Variants in ZC3H18 observed in about 807,000 individuals in gnomAD.
The protein encoded by ZC3H18 is zinc finger CCCH-type containing 18.
Under a neutral mutation model 106.1 loss-of-function variants are expected in ZC3H18, and 8 were observed. That is an observed-to-expected ratio of 0.08 (90% CI 0.04 to 0.14). ZC3H18 has a LOEUF of 0.14. Ranked by LOEUF, ZC3H18 falls within the 10% of genes least tolerant of loss-of-function variation. The pLI is 1.00. For missense variants in ZC3H18, 1,318 were observed against 1,278.4 expected (o/e 1.03, Z -0.47); for synonymous variants, 635 against 522.1 (o/e 1.22, Z -2.95).
At position 88,622,378 on chromosome 16, in the gene ZC3H18, A is replaced by C. The variant is rs952366663; in HGVS notation, c.1657A>C (p.Asn553His). Reference sequence around the variant, plus strand: ...ATCAGCCTCGTCAGCCTCTGCCTCTAATTCCTCCAGGTAAGGAGGGCTCGT... The same window carrying C: ...ATCAGCCTCGTCAGCCTCTGCCTCTCATTCCTCCAGGTAAGGAGGGCTCGT... ...KTSASSASAS[N>H]SSRSSSRSSS... Residue 553 changes from asparagine (N) to histidine (H), a missense_variant, in exon 9 of 18, where the codon AAT becomes CAT. Coordinates refer to ENST00000301011, the MANE Select transcript of ZC3H18 (RefSeq NM_144604.4). 1 of 1,609,170 alleles carries C rather than the reference A, an allele frequency of 6.2e-7. No individual in the cohort carries two copies. Among genetic ancestry groups the C allele is most frequent in the East Asian group, 2.2e-5 (1 of 44,710 alleles).
intron 3 of ZC3H18, chr16:88,587,618 A>G: frequency 6.5e-7 from 1 of 1,534,132 alleles, no homozygotes; most frequent in Non-Finnish European, 8.7e-7. Flanking sequence ...TTAAAGGTAC[A>G]AAATACGCTA....
chr16:88,588,350 C>T (rs566863577), intron 3 of ZC3H18, among the ~76,000 whole-genome samples: 3 of 152,324 alleles, frequency 2.0e-5, no homozygotes, highest in East Asian at 1.9e-4. Context: ...ACCGGCCAGT[C>T]GGCGTTGGCC....
At chr16:88,572,757 C>T (rs893016690) in intron 1 of ZC3H18, among the ~76,000 whole-genome samples, 6 of 151,116 alleles carry the variant, frequency 4.0e-5, no homozygotes, top group African/African-American at 1.5e-4. Context: ...CCCTTCGTAG[C>T]ACCTTATTAC....
In ZC3H18 at chr16:88,577,670, G is replaced by A. The variant is rs771058029; in HGVS notation, c.547G>A (p.Ala183Thr). The A allele has an allele frequency of 6.2e-7, 1 of 1,613,918 alleles. No homozygotes were observed. Among genetic ancestry groups the A allele is most frequent in the South Asian group, 1.1e-5 (1 of 91,076 alleles). The change falls in exon 2 of 18, where the codon GCC becomes ACC. Residue 183 changes from alanine to threonine, a missense_variant. By Grantham distance (58) the Ala-to-Thr change is moderately conservative. Transcript: ENST00000301011. ...SVGEKESLEA[A>T]KEKKKEDDDG... is the part of the protein sequence containing the mutation. Reference sequence around the variant, plus strand: ...GGGAGAAAAGGAATCCCTGGAGGCTGCCAAGGAGAAAAAGAAAGAGGACGA... The same window carrying A: ...GGGAGAAAAGGAATCCCTGGAGGCTACCAAGGAGAAAAAGAAAGAGGACGA...
chr16:88,594,024 T>C (rs1055760232), intron 3 of ZC3H18, among the ~76,000 whole-genome samples: 1 of 152,102 alleles, frequency 6.6e-6, no homozygotes, highest in African/African-American at 2.4e-5. Context: ...CTGAGTGCGG[T>C]GTCAGGGAGA....
chr16:88,583,262 C>G (rs1915241574), intron 2 of ZC3H18, among the ~76,000 whole-genome samples: 5 of 152,244 alleles, frequency 3.3e-5, no homozygotes, highest in Admixed American at 3.3e-4. Context: ...AAAGGCTGCA[C>G]AAAGAAGAAA....
chr16:88,586,858 A>G (rs1479045962), intron 3 of ZC3H18, among the ~76,000 whole-genome samples, 174 bp downstream of exon 3: 2 of 152,078 alleles, frequency 1.3e-5, no homozygotes, highest in African/African-American at 4.8e-5. Flanking sequence ...ATGGTAAACA[A>G]TAGGCCCTTT....
intron 2 of ZC3H18, among the ~76,000 whole-genome samples, chr16:88,578,267 CTG>C (rs1174854987): frequency 1.3e-5 from 2 of 152,204 alleles, no homozygotes; most frequent in African/African-American, 2.4e-5. Flanking sequence ...CCTGAAAAGA[CTG>C]TGGTGGGCAC....
intron 6 of ZC3H18, among the ~76,000 whole-genome samples, chr16:88,602,780 TG>T (rs1904813859): frequency 6.6e-6 from 1 of 152,202 alleles, no homozygotes; most frequent in Non-Finnish European, 1.5e-5. Context: ...CCTAAGTTGC[TG>T]GGAATATAGA....
chr16:88,575,306 T>C (rs1224045943), intron 1 of ZC3H18, among the ~76,000 whole-genome samples: 1 of 152,084 alleles, frequency 6.6e-6, no homozygotes, highest in Non-Finnish European at 1.5e-5. Flanking sequence ...ATACAAGACA[T>C]ATAAATGTGT....
intron 12 of ZC3H18, among the ~76,000 whole-genome samples, 194 bp downstream of exon 12, chr16:88,624,939 G>A (rs901540600): frequency 1.3e-5 from 2 of 152,214 alleles, no homozygotes; most frequent in South Asian, 2.1e-4. Context: ...TTTCTGGAGC[G>A]TGAAGGGGAA....
At chr16:88,586,895 C>G (rs1200015411) in intron 3 of ZC3H18, among the ~76,000 whole-genome samples, 4 of 152,220 alleles carry the variant, frequency 2.6e-5, no homozygotes, top group African/African-American at 4.8e-5. Flanking sequence ...ACTTTAATGA[C>G]TGCCTTGGTG....
Position 88,623,773 on chromosome 16 carries a change from T to C in ZC3H18, c.1794-185T>C, listed in dbSNP as rs948854623. Reference sequence around the variant, plus strand: ...CAGTGGATGCTGACACCTTCCACGCTCTCTGGTCTACTCTGGGCCTGTGTT... The same window carrying C: ...CAGTGGATGCTGACACCTTCCACGCCCTCTGGTCTACTCTGGGCCTGTGTT... On this transcript the variant is annotated intron_variant, in intron 10 of 17. Coordinates refer to ENST00000301011, the MANE Select transcript of ZC3H18 (RefSeq NM_144604.4). The C allele has an allele frequency of 4.3e-6, 5 of 1,154,742 alleles. No homozygotes were observed. In the African/African-American group the frequency reaches 4.7e-5, roughly 11 times the overall value. The allele number at this position is 1,154,742 out of a possible 1,614,324, so 71.5% of individuals were successfully genotyped here.
chr16:88,611,385 C>T lies in ZC3H18; in HGVS notation c.1324C>T (p.Arg442Cys), dbSNP rs767276495. The T allele has an allele frequency of 1.2e-5, 13 of 1,128,686 alleles. No individual in the cohort carries two copies. The highest frequency in any genetic ancestry group is 5.1e-5 in the East Asian group (2 of 39,024). 69.9% of individuals were successfully genotyped at this position (1,128,686 alleles called of 1,614,324 possible). A position where few individuals can be genotyped will look rare whatever the true frequency, so the allele number is the denominator to read the frequency against. ...RERERERERE[R>C]DKERQRRKEE... ...GCGCGAGCGAGAGCGGGAGCGCGAG[C>T]GCGACAAGGAGCGGCAGCGGAGGAA... Residue 442 changes from arginine to cysteine, a missense_variant, in exon 8 of 18, where the codon CGC (arginine) becomes TGC (cysteine). Around this residue, in one of 6 missense-constraint regions of ZC3H18, gnomAD observed 848 missense variants for 821.7 expected, o/e 1.03. Transcript: ENST00000301011.
intron 8 of ZC3H18, among the ~76,000 whole-genome samples, chr16:88,615,635 C>T (rs539195453): frequency 1.8e-4 from 27 of 152,188 alleles, no homozygotes; most frequent in Non-Finnish European, 3.2e-4. Flanking sequence ...GTTTTCACGC[C>T]ACCCAGATCA....
intron 2 of ZC3H18, among the ~76,000 whole-genome samples, chr16:88,578,887 C>T (rs1455030321): frequency 6.6e-6 from 1 of 152,132 alleles, no homozygotes; most frequent in Non-Finnish European, 1.5e-5. Flanking sequence ...GAGGTGTCGC[C>T]CTGTTGGCCA....
At chr16:88,600,017 A>G (rs1170499514) in intron 6 of ZC3H18, 69 bp downstream of exon 6, 5 of 1,577,898 alleles carry the variant, frequency 3.2e-6, no homozygotes, top group African/African-American at 1.4e-5. Flanking sequence ...GAGAGCAGCC[A>G]TGTGCAGGGC....
intron 8 of ZC3H18, among the ~76,000 whole-genome samples, chr16:88,616,768 G>C (rs1905634633): frequency 6.6e-6 from 1 of 152,150 alleles, no homozygotes; most frequent in Non-Finnish European, 1.5e-5. Context: ...GTTTTACCCA[G>C]GGAGATCCAT....
intron 1 of ZC3H18, among the ~76,000 whole-genome samples, chr16:88,572,204 A>T (rs756895086): frequency 7.2e-5 from 11 of 152,250 alleles, no homozygotes; most frequent in Non-Finnish European, 1.3e-4. Context: ...GTCATTCGCA[A>T]TGAGAAGGTC....
Sources: gnomAD v4.1 joint callset for allele counts (sites outside exome capture counted in the v4.1 genomes callset) on GRCh38, gnomAD v4.1.1 for gene constraint, gnomAD v4.1.1 regional missense constraint, MANE v1.5 for transcripts, NCBI Gene and HGNC (gene_info 2026-07-23, HGNC 2026-07-21) for gene names.